The following VPS13B variants were observed in gnomAD, a reference collection of about 807,000 sequenced individuals.
VPS13B encodes the protein intermembrane lipid transfer protein VPS13B.
Under a neutral mutation model 426.4 loss-of-function variants are expected in VPS13B, and 285 were observed. The observed-to-expected ratio is 0.67, with a 90% confidence interval of 0.61 to 0.74. The LOEUF is 0.74. Ranked by LOEUF, VPS13B falls within the 30% of genes least tolerant of loss-of-function variation. The pLI is 0.00. For synonymous variants in VPS13B, 1,676 were observed against 1,676.4 expected (o/e 1.00, Z 0.01); for missense variants, 4,537 against 4,782.6 (o/e 0.95, Z 1.51).
At chr8:99,636,292 T>C (rs908504320) in intron 33 of VPS13B, among the ~76,000 whole-genome samples, 1 of 152,012 alleles carries the variant, frequency 6.6e-6, no homozygotes. Flanking sequence ...TCTCAGATTT[T>C]ATCTAAAAGT....
chr8:99,537,428 C>A (rs1823312289), intron 30 of VPS13B, among the ~76,000 whole-genome samples: 1 of 151,962 alleles, frequency 6.6e-6, no homozygotes, highest in Admixed American at 6.6e-5. Flanking sequence ...GTGAATTTGC[C>A]TGATTCTATA....
chr8:99,034,418 T>TG (rs1295113768), intron 2 of VPS13B, among the ~76,000 whole-genome samples: 4 of 151,556 alleles, frequency 2.6e-5, no homozygotes, highest in Admixed American at 6.6e-5. Context: ...AAGTCTGTTT[T>TG]TTTTTTTTTT....
At chr8:99,703,097 G>A (rs1173147598) in intron 36 of VPS13B, among the ~76,000 whole-genome samples, 4 of 152,202 alleles carry the variant, frequency 2.6e-5, no homozygotes, top group Middle Eastern at 3.4e-3. Flanking sequence ...CGGGCATTCC[G>A]AATACATTTA....
chr8:99,792,097 A>G (rs1812567607), intron 43 of VPS13B, among the ~76,000 whole-genome samples: 1 of 152,122 alleles, frequency 6.6e-6, no homozygotes, highest in South Asian at 2.1e-4. Flanking sequence ...AAGTAAACTA[A>G]CCTGAGCTGC....
intron 40 of VPS13B, among the ~76,000 whole-genome samples, chr8:99,770,222 T>C (rs1488607980): frequency 6.6e-6 from 1 of 152,140 alleles, no homozygotes; most frequent in Non-Finnish European, 1.5e-5. Flanking sequence ...TGCTTGATCA[T>C]ATTATGGTTT....
chr8:99,581,676 T>C (rs1204979096), intron 33 of VPS13B, among the ~76,000 whole-genome samples: 1 of 152,216 alleles, frequency 6.6e-6, no homozygotes, highest in Non-Finnish European at 1.5e-5. Flanking sequence ...CTGAGCATTT[T>C]CTTTGAGAGT....
chr8:99,577,719 C>T, intron 33 of VPS13B, 86 bp downstream of exon 33: 2 of 1,488,660 alleles, frequency 1.3e-6, no homozygotes, highest in East Asian at 4.5e-5. Context: ...AAGCTGACTG[C>T]TTTCTGCTTA....
chr8:99,706,358 G>T (rs1484281037), intron 36 of VPS13B, among the ~76,000 whole-genome samples: 4 of 152,106 alleles, frequency 2.6e-5, no homozygotes, highest in African/African-American at 7.2e-5. Context: ...ATTACTTTCT[G>T]TTTACCGTGT....
At chr8:99,444,134 T>C (rs1459734142) in intron 23 of VPS13B, among the ~76,000 whole-genome samples, 2 of 152,092 alleles carry the variant, frequency 1.3e-5, no homozygotes, top group Non-Finnish European at 2.9e-5. Flanking sequence ...AGTCTTGCTC[T>C]GTCGCCTGGG....
At chr8:99,489,243 A>G (rs1016715075) in intron 25 of VPS13B, among the ~76,000 whole-genome samples, 2 of 151,706 alleles carry the variant, frequency 1.3e-5, no homozygotes, top group Non-Finnish European at 2.9e-5. Flanking sequence ...ATTGGTCTGT[A>G]TCTCTGTTTT....
chr8:99,224,250 T>G (rs1815891430), intron 17 of VPS13B, among the ~76,000 whole-genome samples: 1 of 152,200 alleles, frequency 6.6e-6, no homozygotes, highest in Non-Finnish European at 1.5e-5. Context: ...TTGAATGTGT[T>G]CATGTAGTGG....
At chr8:99,682,523 C>T (rs778941614) in intron 35 of VPS13B, among the ~76,000 whole-genome samples, 4 of 152,130 alleles carry the variant, frequency 2.6e-5, no homozygotes, top group Non-Finnish European at 4.4e-5. Context: ...CTACCCTTTA[C>T]AGAGGAAAAG....
In VPS13B at chr8:99,863,772, T is replaced by C. The variant is rs113176274; in HGVS notation, c.11215+1826T>C. Among the ~76,000 whole-genome samples, 343 of 152,302 alleles carry C rather than the reference T, an allele frequency of 2.3e-3. 3 individuals carry two copies. Among genetic ancestry groups the C allele is most frequent in the African/African-American group, 7.9e-3 (329 of 41,568 alleles). On this transcript the variant is annotated intron_variant, in intron 58 of 61. Coordinates refer to ENST00000357162, the MANE Select transcript of VPS13B (RefSeq NM_152564.5). Reference sequence around the variant, plus strand: ...ATTGTGTCTTGCATATCCTTATCCATGTGAGGGAATTCATTTTTGGAAACT... The same window carrying C: ...ATTGTGTCTTGCATATCCTTATCCACGTGAGGGAATTCATTTTTGGAAACT...
In VPS13B at chr8:99,391,632, C is replaced by T. The variant is rs2133312661; in HGVS notation, c.3010C>T (p.Pro1004Ser). The change falls in exon 21 of 62, where the codon CCC becomes TCC. Residue 1004 changes from proline to serine, a missense_variant. Transcript: ENST00000357162. ...KEDEVSIGSA[P>S]LAKQQSYQAS... Reference sequence around the variant, plus strand: ...GGATGAGGTGTCTATTGGAAGTGCCCCCTTGGCAAAGCAGCAATCATATCA... The same window carrying T: ...GGATGAGGTGTCTATTGGAAGTGCCTCCTTGGCAAAGCAGCAATCATATCA... 1 of 1,614,124 alleles carries T rather than the reference C, an allele frequency of 6.2e-7. No homozygotes were observed. The highest frequency in any genetic ancestry group is 8.5e-7 in the Non-Finnish European group (1 of 1,180,006).
chr8:99,792,769 A>G (rs1563919500), intron 43 of VPS13B, among the ~76,000 whole-genome samples: 2 of 152,194 alleles, frequency 1.3e-5, no homozygotes, highest in African/African-American at 4.8e-5. Context: ...AGCCAACTGC[A>G]GCTCATTTGG....
chr8:99,292,212 A>G (rs1377156172), intron 19 of VPS13B, among the ~76,000 whole-genome samples: 1 of 152,132 alleles, frequency 6.6e-6, no homozygotes, highest in Non-Finnish European at 1.5e-5. Flanking sequence ...AGCATGGCAT[A>G]AGTATGCCTC....
intron 3 of VPS13B, among the ~76,000 whole-genome samples, chr8:99,085,873 C>A (rs553097481): frequency 6.6e-6 from 1 of 152,266 alleles, no homozygotes; most frequent in African/African-American, 2.4e-5. Context: ...TTCTGGCTGC[C>A]CTTAACATTT....
intron 61 of VPS13B, among the ~76,000 whole-genome samples, chr8:99,874,572 G>C (rs564748748): frequency 6.6e-6 from 1 of 152,152 alleles, no homozygotes; most frequent in East Asian, 1.9e-4. Flanking sequence ...ACCACGGAAA[G>C]TTTGGTGGCT....
chr8:99,548,989 A>G (rs1824136788), intron 30 of VPS13B, among the ~76,000 whole-genome samples: 2 of 152,102 alleles, frequency 1.3e-5, no homozygotes, highest in African/African-American at 4.8e-5. Context: ...TAAATGGTCT[A>G]CCTTTATAAT....
Sources: allele counts gnomAD v4.1 joint callset (sites outside exome capture counted in the v4.1 genomes callset), GRCh38; gene constraint gnomAD v4.1.1; transcripts MANE v1.5; gene names NCBI Gene and HGNC (gene_info 2026-07-23, HGNC 2026-07-21).